The following FAAP20 variants were observed in gnomAD, a reference collection of about 807,000 sequenced individuals.
FAAP20 encodes Fanconi anemia core complex-associated protein 20.
A neutral mutation model predicts 16.2 loss-of-function variants in FAAP20; 12 were observed. The ratio of observed to expected loss-of-function variants is 0.74; its 90% CI spans 0.48 to 1.20. The LOEUF (loss-of-function observed/expected upper bound fraction) is 1.20, where lower values mean the gene tolerates loss of function less well. Among genes scored for constraint, FAAP20 ranks in the 50% most tolerant of loss-of-function variants. The pLI, the probability that FAAP20 is intolerant of heterozygous loss-of-function variation, is 0.00. For synonymous variants in FAAP20, 141 were observed against 110.7 expected (o/e 1.27, Z -1.72); for missense variants, 288 against 245.8 (o/e 1.17, Z -1.15).
chr1:2,184,480 C>T, downstream of FAAP20: 1 of 802,878 alleles, frequency 1.2e-6, no homozygotes, highest in Non-Finnish European at 2.0e-6. Flanking sequence ...GAAATGCTGA[C>T]TTTCTCACTG....
At chr1:2,208,197 G>A (rs1689337400), downstream of FAAP20, among the ~76,000 whole-genome samples, 1 of 152,054 alleles carries the variant, frequency 6.6e-6, no homozygotes, top group Non-Finnish European at 1.5e-5. Context: ...CTGGCCCTAG[G>A]GCCTGGGCTT....
chr1:2,199,764 G>T, upstream of FAAP20: 2 of 465,096 alleles, frequency 4.3e-6, no homozygotes, highest in Non-Finnish European at 5.6e-6. The surrounding 1 kb of genome is among the most constrained non-coding windows in gnomAD (Gnocchi z 4.5). Context: ...TGAATGCAGT[G>T]TGAGCAGTGT....
At chr1:2,197,391 G>A (rs12036774), upstream of FAAP20, among the ~76,000 whole-genome samples, 11,518 of 152,310 alleles carry the variant, frequency 0.076, 516 homozygotes, top group Middle Eastern at 0.11. Flanking sequence ...CCAGACCCGG[G>A]ACACCTGCGC....
At chr1:2,188,319 T>A (rs1460037652), downstream of FAAP20, among the ~76,000 whole-genome samples, 1 of 152,234 alleles carries the variant, frequency 6.6e-6, no homozygotes, top group African/African-American at 2.4e-5. Context: ...GCTGCTGTCC[T>A]TCCCCAGAAA....
At position 2,205,890 on chromosome 1, in the gene FAAP20, CCACCTGTCCGCA is replaced by C. The variant is rs557700134; in HGVS notation, n.451+403_451+414del. ...CTGCGCCCCCTACCCGGGCCCCGGC[CCACCTGTCCGCA>C]CACCTGTCCGAAGCCTTAAAAGGTC... On this transcript the variant is annotated intron_variant and non_coding_transcript_variant, in intron 3 of 7. Coordinates refer to the FAAP20 transcript ENST00000469733. 4.6e-3 allele frequency among the ~76,000 whole-genome samples: 704 copies of C among 152,390 alleles called. 5 individuals carry two copies. Among genetic ancestry groups the C allele is most frequent in the Middle Eastern group, 0.017 (5 of 294 alleles).
chr1:2,185,122 G>T, downstream of FAAP20: 3 of 1,052,198 alleles, frequency 2.9e-6, no homozygotes, highest in Non-Finnish European at 2.8e-6. Context: ...AGGGACAGAC[G>T]CTTGCGCCGA....
At chr1:2,192,863 G>A in intron 3 of FAAP20, 5 of 1,287,092 alleles carry the variant, frequency 3.9e-6, no homozygotes, top group Non-Finnish European at 5.1e-6. Context: ...GCCTCTCAAA[G>A]GGCTGGGATT....
In FAAP20 at chr1:2,189,720, C is replaced by T; in HGVS notation, c.532G>A (p.Val178Met). The change falls in exon 4 of 4, where the codon GTG (valine) becomes ATG (methionine). Residue 178 changes from valine (V) to methionine (M), a missense_variant. Physicochemically the swap from Val to Met is conservative, Grantham distance 21. Transcript: ENST00000378546. ...CTCTTGGATGGCGCTCACCACGTCA[C>T]GTCTTCTGTGCTTTCGGCCAAGCAC... ...AQCLAESTED[V>M]TW 6.2e-7 allele frequency: 1 copy of T among 1,611,568 alleles called. No individual in the cohort carries two copies. Among genetic ancestry groups the T allele is most frequent in the Non-Finnish European group, 8.5e-7 (1 of 1,178,980 alleles).
chr1:2,192,788 T>C, intron 3 of FAAP20: 1 of 1,124,858 alleles, frequency 8.9e-7, no homozygotes, highest in African/African-American at 1.6e-5. Context: ...CATGTAAAGA[T>C]GGGATCTTGC....
upstream of FAAP20, chr1:2,200,609 C>T: frequency 1.0e-6 from 1 of 982,666 alleles, no homozygotes; most frequent in Non-Finnish European, 1.2e-6. Context: ...ATATACATGT[C>T]ACTCGTTTTA....
chr1:2,199,283 C>T (rs562603003), upstream of FAAP20: 425 of 1,075,492 alleles, frequency 4.0e-4, no homozygotes, highest in Non-Finnish European at 4.7e-4. The surrounding 1 kb of genome is among the most constrained non-coding windows in gnomAD (Gnocchi z 4.5). Flanking sequence ...AGCCTGTCCT[C>T]CATCCCCACG....
chr1:2,190,051 A>G (rs1439023562), intron 3 of FAAP20: 7 of 596,544 alleles, frequency 1.2e-5, no homozygotes, highest in South Asian at 8.3e-5. Flanking sequence ...AAGCCTCTCT[A>G]TGGGATTCTG....
At chr1:2,205,314 C>G (rs1414724490) in intron 3 of FAAP20, among the ~76,000 whole-genome samples, 1 of 144,902 alleles carries the variant, frequency 6.9e-6, no homozygotes, top group African/African-American at 2.6e-5. Context: ...CACAAGCAAG[C>G]CCCGCCCCGC....
At chr1:2,194,305 A>T in intron 1 of FAAP20, 172 bp from the exon 2 acceptor site, 1 of 111,462 alleles carries the variant, frequency 9.0e-6, no homozygotes, top group Non-Finnish European at 1.3e-5. Flanking sequence ...TGGGGCAGAC[A>T]GTGCGGAGAT....
chr1:2,193,933 C>A, intron 2 of FAAP20, 23 bp from the exon 3 acceptor site: 2 of 1,612,332 alleles, frequency 1.2e-6, no homozygotes, highest in Non-Finnish European at 1.7e-6. Context: ...GTTGTTGGGC[C>A]TTGCCCAGCG....
At chr1:2,189,500 G>A, downstream of FAAP20, 1 of 601,272 alleles carries the variant, frequency 1.7e-6, no homozygotes, top group South Asian at 1.9e-5. Context: ...TGATTGCACT[G>A]CAGTGAATCT....
At chr1:2,202,184 G>A (rs560239974), upstream of FAAP20, among the ~76,000 whole-genome samples, 3 of 152,194 alleles carry the variant, frequency 2.0e-5, no homozygotes, top group African/African-American at 7.2e-5. Flanking sequence ...GGGCTGTCCT[G>A]CAAACCCCAG....
At chr1:2,203,437 G>A (rs990934207), upstream of FAAP20, 7 of 985,606 alleles carry the variant, frequency 7.1e-6, no homozygotes, top group African/African-American at 3.5e-5. Flanking sequence ...CAGCCTCACC[G>A]GTGCAGGCCA....
downstream of FAAP20, among the ~76,000 whole-genome samples, chr1:2,207,941 T>TGTGTGTGA (rs1256202399): frequency 1.5e-4 from 19 of 124,094 alleles, no homozygotes; most frequent in East Asian, 2.6e-3. Flanking sequence ...TGTGTGTGTG[T>TGTGTGTGA]GTGTGTGTGT....
Sources: allele counts gnomAD v4.1 joint callset (sites outside exome capture counted in the v4.1 genomes callset), GRCh38; gene constraint gnomAD v4.1.1; non-coding constraint Gnocchi (gnomAD v3.1); transcripts MANE v1.5; gene names NCBI Gene and HGNC (gene_info 2026-07-23, HGNC 2026-07-21).